Variants in BOK observed in about 807,000 individuals in gnomAD.
BOK encodes BCL2 family apoptosis regulator BOK.
In BOK, 20 loss-of-function variants were observed where a neutral mutation model predicts 18.3. The ratio of observed to expected loss-of-function variants is 1.09; its 90% CI spans 0.77 to 1.59. The LOEUF is 1.59. BOK is among the 40% of genes most tolerant of loss of function. The pLI, the probability that BOK is intolerant of heterozygous loss-of-function variation, is 0.00. For missense variants in BOK, 348 were observed against 307.9 expected (o/e 1.13, Z -0.97); for synonymous variants, 173 against 142.4 (o/e 1.21, Z -1.53).
At chr2:241,559,184 C>T (rs1477705499) in intron 1 of BOK, among the ~76,000 whole-genome samples, 191 bp downstream of exon 1, 1 of 151,588 alleles carries the variant, frequency 6.6e-6, no homozygotes, top group East Asian at 1.9e-4. Context: ...CGCCCACGCA[C>T]TCGTCTTCGA....
upstream of BOK, among the ~76,000 whole-genome samples, chr2:241,554,548 TC>T (rs2066437077): frequency 6.6e-6 from 1 of 152,060 alleles, no homozygotes; most frequent in African/African-American, 2.4e-5. Flanking sequence ...CTTAACACCT[TC>T]CCCATGTCCA....
intron 3 of BOK, among the ~76,000 whole-genome samples, chr2:241,564,498 G>A (rs1056788130): frequency 6.6e-6 from 1 of 151,904 alleles, no homozygotes; most frequent in Non-Finnish European, 1.5e-5. Flanking sequence ...CGTGTCATGG[G>A]GCAGACCTGA....
chr2:241,556,581 C>CAAAAAA (rs55866928), upstream of BOK, among the ~76,000 whole-genome samples: 6 of 86,742 alleles, frequency 6.9e-5, no homozygotes, highest in African/African-American at 1.4e-4. Context: ...GACTCCGTCT[C>CAAAAAA]AAAAAAAAAA....
Position 241,559,540 on chromosome 2 carries a change from C to G in BOK, c.57C>G (p.Asp19Glu), listed in dbSNP as rs767745514. The change falls in exon 2 of 5, where the codon GAC (aspartate) becomes GAG (glutamate). Residue 19 changes from aspartate (D) to glutamate (E), a missense_variant. By Grantham distance (45) the Asp-to-Glu change is conservative (BLOSUM62 2). Coordinates refer to ENST00000318407, the MANE Select transcript of BOK (RefSeq NM_032515.5). ...VFAAEIMDAFDRSPTDKELVA... is the reference protein window; with the variant it reads ...VFAAEIMDAFERSPTDKELVA... The stretch of plus-strand genomic sequence containing the variant: ...CCGCCGAGATCATGGACGCCTTTGA[C>G]CGCTCGCCCACAGACAAGGAGCTGG... The G allele has an allele frequency of 3.9e-6, 6 of 1,525,370 alleles. No individual in the cohort carries two copies. The African/African-American group carries it at 8.6e-5, about 22-fold the overall frequency. The allele number at this position is 1,525,370 out of a possible 1,614,324, so 94.5% of individuals were successfully genotyped here.
At chr2:241,566,833 G>A (rs1378417060) in intron 3 of BOK, among the ~76,000 whole-genome samples, 1 of 134,246 alleles carries the variant, frequency 7.4e-6, no homozygotes, top group Non-Finnish European at 1.6e-5. Flanking sequence ...AAGATGAGTG[G>A]CTGCCAGGGG....
At chr2:241,569,821 C>T (rs189036427) in intron 3 of BOK, among the ~76,000 whole-genome samples, 183 of 152,318 alleles carry the variant, frequency 1.2e-3, no homozygotes, top group Non-Finnish European at 2.0e-3. Context: ...GGGTGCCACC[C>T]GTGAGGTCAC....
intron 3 of BOK, among the ~76,000 whole-genome samples, chr2:241,564,961 C>T (rs1372390069): frequency 6.6e-6 from 1 of 152,276 alleles, no homozygotes; most frequent in East Asian, 1.9e-4. Context: ...TTGAGCAGGG[C>T]CTGGCCTGAG....
chr2:241,555,757 C>A (rs2066446359), upstream of BOK, among the ~76,000 whole-genome samples: 1 of 152,204 alleles, frequency 6.6e-6, no homozygotes, highest in Admixed American at 6.5e-5. Context: ...CTGGTTTCTG[C>A]AGCTCCTGGG....
intron 4 of BOK, among the ~76,000 whole-genome samples, chr2:241,571,994 G>C (rs893942461): frequency 6.6e-6 from 1 of 152,190 alleles, no homozygotes; most frequent in Non-Finnish European, 1.5e-5. Flanking sequence ...TGGAGCCCCA[G>C]CGAGGGCCAT....
chr2:241,569,646 CT>C (rs1180568398), intron 3 of BOK, among the ~76,000 whole-genome samples: 1 of 152,002 alleles, frequency 6.6e-6, no homozygotes, highest in Non-Finnish European at 1.5e-5. Context: ...GCCTTTTATT[CT>C]TTCCCCCGCT....
chr2:241,552,953 A>C (rs1485346115), intron 1 of BOK, among the ~76,000 whole-genome samples: 1 of 152,134 alleles, frequency 6.6e-6, no homozygotes, highest in African/African-American at 2.4e-5. Context: ...CTCGCCACAC[A>C]ACCCTCTGCC....
chr2:241,565,906 A>G (rs2066603370), intron 3 of BOK, among the ~76,000 whole-genome samples: 1 of 152,284 alleles, frequency 6.6e-6, no homozygotes, highest in East Asian at 1.9e-4. Flanking sequence ...AATAGTGTTT[A>G]TTTTTTTCTT....
chr2:241,570,340 G>C, intron 4 of BOK, 52 bp downstream of exon 4: 1 of 1,513,506 alleles, frequency 6.6e-7, no homozygotes, highest in East Asian at 2.5e-5. Flanking sequence ...CGAGGGTGCA[G>C]AGGTACAGGA....
intron 3 of BOK, among the ~76,000 whole-genome samples, chr2:241,568,297 T>G (rs576684181): frequency 1.1e-4 from 17 of 151,904 alleles, no homozygotes; most frequent in Admixed American, 6.6e-4. Context: ...ATTTTTTGTG[T>G]TTTTAGTAGA....
chr2:241,562,947 G>A lies in BOK; in HGVS notation c.349+471G>A, dbSNP rs1020792059. ...GTTAGGATATACCCTCAGAAGTCAC[G>A]GGTAACTCTGCTGGATTCTGATGGT... On this transcript the variant is annotated intron_variant, in intron 3 of 4. Transcript: ENST00000318407. The surrounding 1 kb of genome is among the most constrained non-coding windows in gnomAD (Gnocchi z 4.5). 1.6e-4 allele frequency among the ~76,000 whole-genome samples: 25 copies of A among 152,306 alleles called. No individual in the cohort carries two copies. Among genetic ancestry groups the A allele is most frequent in the Non-Finnish European group, 1.5e-4 (10 of 68,024 alleles).
chr2:241,553,941 T>C (rs2066432604), upstream of BOK, among the ~76,000 whole-genome samples: 2 of 152,198 alleles, frequency 1.3e-5, no homozygotes, highest in Non-Finnish European at 2.9e-5. Context: ...CCCCACTCCA[T>C]GCTAGGGGTA....
intron 2 of BOK, chr2:241,560,129 AG>A: frequency 3.0e-6 from 3 of 985,388 alleles, no homozygotes; most frequent in Non-Finnish European, 2.4e-6. Context: ...GAGGCCTCCG[AG>A]GCCCCCCCAT....
chr2:241,555,251 A>C (rs1234681705), upstream of BOK, among the ~76,000 whole-genome samples: 1 of 151,964 alleles, frequency 6.6e-6, no homozygotes, highest in East Asian at 1.9e-4. Flanking sequence ...TGCAGTGGCT[A>C]TTCACAGGCA....
chr2:241,559,288 C>A (rs1245594296), intron 1 of BOK, among the ~76,000 whole-genome samples, 167 bp from the exon 2 acceptor site: 1 of 151,800 alleles, frequency 6.6e-6, no homozygotes, highest in Non-Finnish European at 1.5e-5. Flanking sequence ...TGAATTCGGG[C>A]TCTGAAAGAA....
Sources: allele counts gnomAD v4.1 joint callset (sites outside exome capture counted in the v4.1 genomes callset), GRCh38; gene constraint gnomAD v4.1.1; non-coding constraint Gnocchi (gnomAD v3.1); transcripts MANE v1.5; gene names NCBI Gene and HGNC (gene_info 2026-07-23, HGNC 2026-07-21).